EYS: variants seen among roughly 807,000 people sequenced by gnomAD.
EYS encodes protein eyes shut homolog.
A neutral mutation model predicts 282.1 loss-of-function variants in EYS; 250 were observed. The observed-to-expected ratio is 0.89, with a 90% CI of 0.80 to 0.98. The LOEUF is 0.98. Among genes scored for constraint, EYS ranks in the 50% least tolerant of loss-of-function variants. EYS has a pLI of 0.00. For missense variants in EYS, 4,016 were observed against 3,709.0 expected (o/e 1.08, Z -2.15); for synonymous variants, 1,355 against 1,282.9 (o/e 1.06, Z -1.20).
chr6:64,280,600 AAAGGCATTTAAAG>A (rs2150361385), intron 30 of EYS, among the ~76,000 whole-genome samples: 1 of 152,270 alleles, frequency 6.6e-6, no homozygotes, highest in East Asian at 1.9e-4. Flanking sequence ...AGGTCTAGGG[AAAGGCATTTAAAG>A]TAAAATAAAA....
chr6:64,530,304 C>G (rs567409609), intron 26 of EYS, among the ~76,000 whole-genome samples: 3 of 151,738 alleles, frequency 2.0e-5, no homozygotes, highest in Non-Finnish European at 4.4e-5. Context: ...GAACAAGAGA[C>G]TTAGTAAGTG....
intron 26 of EYS, among the ~76,000 whole-genome samples, chr6:64,451,942 G>C (rs1469600031): frequency 9.2e-5 from 14 of 152,222 alleles, no homozygotes; most frequent in African/African-American, 2.9e-4. Context: ...CCTTTGAAAT[G>C]TGGCACAAGA....
At position 65,003,114 on chromosome 6, in the gene EYS, C is replaced by A. The variant is rs529162166; in HGVS notation, c.2138-5411G>T. On this transcript the variant is annotated intron_variant, in intron 13 of 42. Coordinates refer to ENST00000503581, the MANE Select transcript of EYS (RefSeq NM_001142800.2). ...GAGAGATAACCTTGAACTCTGACCG[C>A]CGGTGAGCTGGGCAGAACAGAGCCA... 6.1e-5 allele frequency among the ~76,000 whole-genome samples: 9 copies of A among 147,870 alleles called. 2 individuals are homozygous for A. The South Asian group carries it at 2.0e-3, about 33-fold the overall frequency.
At chr6:64,582,615 A>G (rs1766110883) in intron 26 of EYS, among the ~76,000 whole-genome samples, 1 of 142,368 alleles carries the variant, frequency 7.0e-6, no homozygotes, top group African/African-American at 2.7e-5. Flanking sequence ...CTATTTTTCC[A>G]AGGTCATGTA....
At chr6:64,575,741 C>G (rs953362133) in intron 26 of EYS, among the ~76,000 whole-genome samples, 3 of 151,876 alleles carry the variant, frequency 2.0e-5, no homozygotes, top group Non-Finnish European at 4.4e-5. Flanking sequence ...AGGACAAGCA[C>G]CAAGTTTAGG....
At chr6:64,778,318 T>A (rs1249962905) in intron 22 of EYS, among the ~76,000 whole-genome samples, 3 of 152,168 alleles carry the variant, frequency 2.0e-5, no homozygotes, top group Non-Finnish European at 4.4e-5. Flanking sequence ...TTAAATAAAA[T>A]GTTGCTTGTC....
At chr6:64,622,933 A>G (rs1473306085) in intron 23 of EYS, among the ~76,000 whole-genome samples, 2 of 152,178 alleles carry the variant, frequency 1.3e-5, no homozygotes, top group Non-Finnish European at 2.9e-5. Context: ...GGCATTTAGG[A>G]GAAAGCAAAT....
intron 34 of EYS, among the ~76,000 whole-genome samples, chr6:63,987,814 T>A (rs574120438): frequency 6.6e-6 from 1 of 151,748 alleles, no homozygotes; most frequent in East Asian, 1.9e-4. Flanking sequence ...GTGTGAGAGA[T>A]GCCCAGCAAT....
chr6:65,339,866 T>C (rs1160967737), intron 10 of EYS, among the ~76,000 whole-genome samples: 2 of 151,050 alleles, frequency 1.3e-5, no homozygotes, highest in African/African-American at 4.8e-5. Flanking sequence ...TGGCAAGAGG[T>C]TGGAAGAAGA....
chr6:64,900,372 T>C (rs972801525), intron 18 of EYS, among the ~76,000 whole-genome samples: 1 of 152,082 alleles, frequency 6.6e-6, no homozygotes, highest in East Asian at 1.9e-4. Flanking sequence ...AAAGCCAAAA[T>C]TGGCAAATGG....
At chr6:64,904,216 G>A (rs1417616549) in intron 16 of EYS, among the ~76,000 whole-genome samples, 1 of 152,138 alleles carries the variant, frequency 6.6e-6, no homozygotes, top group Non-Finnish European at 1.5e-5. Context: ...TAGCAGACCA[G>A]GTAGTCTTCA....
intron 22 of EYS, among the ~76,000 whole-genome samples, chr6:64,768,224 C>T (rs145395072): frequency 6.6e-6 from 1 of 152,044 alleles, no homozygotes; most frequent in Non-Finnish European, 1.5e-5. Context: ...AAGCATTCTA[C>T]TGTAAATTCA....
chr6:64,282,250 T>C (rs868383398), intron 30 of EYS, among the ~76,000 whole-genome samples: 1 of 152,188 alleles, frequency 6.6e-6, no homozygotes, highest in African/African-American at 2.4e-5. Context: ...ATAATCATTC[T>C]TAGTTGCAAA....
intron 31 of EYS, among the ~76,000 whole-genome samples, chr6:64,222,689 A>C (rs1250342609): frequency 2.0e-5 from 3 of 152,090 alleles, no homozygotes; most frequent in Non-Finnish European, 4.4e-5. Flanking sequence ...TAATTTAGTT[A>C]TCTGAAAATG....
intron 16 of EYS, among the ~76,000 whole-genome samples, chr6:64,902,856 A>G (rs1767710592): frequency 6.6e-6 from 1 of 152,158 alleles, no homozygotes; most frequent in African/African-American, 2.4e-5. Context: ...CCAATCTTAA[A>G]GTAAAATTGA....
At chr6:65,221,674 C>T (rs1362235719) in intron 12 of EYS, among the ~76,000 whole-genome samples, 3 of 152,162 alleles carry the variant, frequency 2.0e-5, no homozygotes. Context: ...CCCACTGGGG[C>T]ACTGCCTAGT....
At chr6:64,731,951 C>T (rs1253149069) in intron 22 of EYS, among the ~76,000 whole-genome samples, 1 of 151,998 alleles carries the variant, frequency 6.6e-6, no homozygotes, top group Non-Finnish European at 1.5e-5. Flanking sequence ...GAAAATGTGG[C>T]ACATATATAC....
chr6:64,537,072 A>G (rs1350265881), intron 26 of EYS, among the ~76,000 whole-genome samples: 8 of 150,600 alleles, frequency 5.3e-5, no homozygotes, highest in Admixed American at 6.6e-5. Flanking sequence ...TTAGTTACAT[A>G]TGTATACATG....
At chr6:64,898,854 C>A (rs901483682) in intron 18 of EYS, among the ~76,000 whole-genome samples, 11 of 151,458 alleles carry the variant, frequency 7.3e-5, no homozygotes, top group Admixed American at 5.9e-4. Context: ...ATCAAAAAGA[C>A]AAAGAAGGGC....
Sources: allele counts gnomAD v4.1 joint callset (sites outside exome capture counted in the v4.1 genomes callset), GRCh38; gene constraint gnomAD v4.1.1; transcripts MANE v1.5; gene names NCBI Gene and HGNC (gene_info 2026-07-23, HGNC 2026-07-21).